PBX1: variants seen among roughly 807,000 people sequenced by gnomAD.
The protein encoded by PBX1 is PBX homeobox 1.
Under a neutral mutation model 53.4 loss-of-function variants are expected in PBX1, and 6 were observed. That is an observed-to-expected ratio of 0.11 (90% CI 0.06 to 0.22). The LOEUF (loss-of-function observed/expected upper bound fraction) is 0.22, where lower values mean the gene tolerates loss of function less well. Ranked by LOEUF, PBX1 falls within the 10% of genes least tolerant of loss-of-function variation. PBX1 has a pLI of 1.00. For synonymous variants in PBX1, 204 were observed against 212.3 expected (o/e 0.96, Z 0.34); for missense variants, 251 against 551.4 (o/e 0.46, Z 5.46).
At chr1:164,569,241 C>A (rs534980315) in intron 2 of PBX1, among the ~76,000 whole-genome samples, 1 of 152,172 alleles carries the variant, frequency 6.6e-6, no homozygotes, top group Non-Finnish European at 1.5e-5. Flanking sequence ...TCTTTTACTT[C>A]TTAACTGTCT....
intron 8 of PBX1, among the ~76,000 whole-genome samples, chr1:164,836,829 A>G (rs572590798): frequency 2.0e-5 from 3 of 152,272 alleles, no homozygotes; most frequent in African/African-American, 7.2e-5. Flanking sequence ...AAGGGTTTTG[A>G]AAGTTTCTAT....
chr1:164,790,560 T>A (rs1668448183), intron 2 of PBX1, among the ~76,000 whole-genome samples: 1 of 152,046 alleles, frequency 6.6e-6, no homozygotes, highest in African/African-American at 2.4e-5. Flanking sequence ...CTTCCTCTCA[T>A]CCTTTTTTAC....
chr1:164,794,595 A>G (rs1668695343), intron 3 of PBX1, among the ~76,000 whole-genome samples: 1 of 152,214 alleles, frequency 6.6e-6, no homozygotes, highest in African/African-American at 2.4e-5. Flanking sequence ...GATCCCAGGC[A>G]ATGCTGAGCT....
Position 164,847,781 on chromosome 1 carries a change from A to G in PBX1, c.*1105A>G. Reference sequence around the variant, plus strand: ...GTGAAGGTCACTGACACAGAGAAGCAGTATGTGTCTGGGGCTTCCAGGACC... The same window carrying G: ...GTGAAGGTCACTGACACAGAGAAGCGGTATGTGTCTGGGGCTTCCAGGACC... On this transcript the variant is annotated 3_prime_UTR_variant, in exon 9 of 9. Transcript: ENST00000420696. The G allele has an allele frequency of 1.9e-6, 2 of 1,053,008 alleles. No homozygotes were observed. Among genetic ancestry groups the G allele is most frequent in the Non-Finnish European group, 2.3e-6 (2 of 871,636 alleles). 65.2% of individuals were successfully genotyped at this position (1,053,008 alleles called of 1,614,324 possible).
chr1:164,573,517 T>C (rs1292486543), intron 2 of PBX1, among the ~76,000 whole-genome samples: 1 of 145,714 alleles, frequency 6.9e-6, no homozygotes, highest in Non-Finnish European at 1.5e-5. Context: ...TTAAAGACAG[T>C]GTCTCTCTCT....
intron 2 of PBX1, among the ~76,000 whole-genome samples, chr1:164,620,843 A>C (rs1657624057): frequency 6.7e-6 from 1 of 149,356 alleles, no homozygotes; most frequent in Non-Finnish European, 1.5e-5. Flanking sequence ...CTGCCACGCC[A>C]AGCTAATTTT....
At chr1:164,703,117 C>A (rs760244948) in intron 2 of PBX1, 5 of 152,184 alleles carry the variant, frequency 3.3e-5, no homozygotes, top group Non-Finnish European at 7.3e-5. Context: ...TGCTCTGTGT[C>A]TGACCTGGGC....
chr1:164,600,347 G>A (rs1408071072), intron 2 of PBX1, among the ~76,000 whole-genome samples: 1 of 151,394 alleles, frequency 6.6e-6, no homozygotes, highest in African/African-American at 2.4e-5. Context: ...CACCTCCTGG[G>A]TTCAAGTGAT....
rs1671833177 is a variant in PBX1, at chr1:164,851,380, C to CA, written c.*4705dup. 1 of 204,710 alleles carries CA rather than the reference C, an allele frequency of 4.9e-6. No homozygotes were observed. The highest frequency in any genetic ancestry group is 2.3e-5 in the African/African-American group (1 of 43,724). 12.7% of individuals were successfully genotyped at this position (204,710 alleles called of 1,614,324 possible). ...ACCTGAACACTTGTACTCTTGAAGT[C>CA]ACAACAAAATAATGATGAGCTTTTC... On this transcript the variant is annotated 3_prime_UTR_variant, in exon 9 of 9. Coordinates refer to ENST00000420696, the MANE Select transcript of PBX1 (RefSeq NM_002585.4).
chr1:164,618,294 CG>C (rs762647680), intron 2 of PBX1, among the ~76,000 whole-genome samples: 4 of 118,684 alleles, frequency 3.4e-5, no homozygotes, highest in Non-Finnish European at 7.0e-5. Context: ...AGAATAATCA[CG>C]GCGGGGGGGG....
intron 2 of PBX1, among the ~76,000 whole-genome samples, chr1:164,859,593 T>A (rs1005581378): frequency 6.6e-6 from 1 of 152,192 alleles, no homozygotes; most frequent in Non-Finnish European, 1.5e-5. Context: ...TCTATGCAAA[T>A]AGCAAAATCT....
intron 2 of PBX1, chr1:164,680,439 G>A (rs1017655295): frequency 6.6e-6 from 1 of 152,118 alleles, no homozygotes; most frequent in African/African-American, 2.4e-5. Flanking sequence ...TTTATTACCT[G>A]AGTATATTGT....
Position 164,846,764 on chromosome 1 carries a change from C to A in PBX1, c.*88C>A. 1 of 1,607,886 alleles carries A rather than the reference C, an allele frequency of 6.2e-7. No homozygotes were observed. The highest frequency in any genetic ancestry group is 8.5e-7 in the Non-Finnish European group (1 of 1,177,260). ...GTTTCTCTCCCAACGCTGAAGCGGT[C>A]AGACTGGAGGTCGAAGCAATCAGCA... is the stretch of plus-strand genomic sequence containing the variant. On this transcript the variant is annotated 3_prime_UTR_variant, in exon 9 of 9. Coordinates refer to ENST00000420696, the MANE Select transcript of PBX1 (RefSeq NM_002585.4).
chr1:164,584,361 GAA>G (rs1295014425), intron 2 of PBX1, among the ~76,000 whole-genome samples: 8 of 148,360 alleles, frequency 5.4e-5, no homozygotes, highest in Non-Finnish European at 1.0e-4. Context: ...GAGAGAGAGA[GAA>G]AGAGAGAGAG....
intron 2 of PBX1, among the ~76,000 whole-genome samples, chr1:164,603,713 A>G (rs1656333526): frequency 1.3e-5 from 2 of 152,180 alleles, no homozygotes; most frequent in Non-Finnish European, 1.5e-5. Context: ...AATAAACTGT[A>G]TGGAGGATAC....
At chr1:164,782,425 A>G (rs1667979373) in intron 2 of PBX1, among the ~76,000 whole-genome samples, 1 of 152,192 alleles carries the variant, frequency 6.6e-6, no homozygotes. Context: ...GAGAAGGTGT[A>G]TCATATTATC....
At chr1:164,604,489 C>T (rs1305334661) in intron 2 of PBX1, among the ~76,000 whole-genome samples, 1 of 152,186 alleles carries the variant, frequency 6.6e-6, no homozygotes. Context: ...GCCAGGATGC[C>T]CTGCCAGTCA....
chr1:164,690,629 TAA>T (rs34662653), intron 2 of PBX1, among the ~76,000 whole-genome samples: 3 of 145,898 alleles, frequency 2.1e-5, no homozygotes, highest in South Asian at 2.2e-4. Flanking sequence ...AAGCTTTTCT[TAA>T]AAAAAAAAAA....
chr1:164,631,276 T>G (rs547305189), intron 2 of PBX1, among the ~76,000 whole-genome samples: 2 of 149,152 alleles, frequency 1.3e-5, no homozygotes, highest in Admixed American at 6.7e-5. Flanking sequence ...AGTGAGAGAG[T>G]TTTTTTTTTC....
Sources: allele counts gnomAD v4.1 joint callset (sites outside exome capture counted in the v4.1 genomes callset), GRCh38; gene constraint gnomAD v4.1.1; transcripts MANE v1.5; gene names NCBI Gene and HGNC (gene_info 2026-07-23, HGNC 2026-07-21).